TRAF3: variants seen among roughly 807,000 people sequenced by gnomAD.
TRAF3 encodes TNF receptor associated factor 3.
Under a neutral mutation model 62.3 loss-of-function variants are expected in TRAF3, and 13 were observed. The ratio of observed to expected loss-of-function variants is 0.21; its 90% CI spans 0.14 to 0.33. TRAF3 has a LOEUF of 0.33. Among genes scored for constraint, TRAF3 ranks in the 10% least tolerant of loss-of-function variants. The pLI is 1.00. For synonymous variants in TRAF3, 269 were observed against 283.4 expected (o/e 0.95, Z 0.51); for missense variants, 440 against 741.8 (o/e 0.59, Z 4.73).
intron 1 of TRAF3, among the ~76,000 whole-genome samples, chr14:102,797,333 C>G (rs1368821603): frequency 6.6e-6 from 1 of 152,150 alleles, no homozygotes; most frequent in Non-Finnish European, 1.5e-5. Context: ...GTCCCCAATT[C>G]TATATATGAT....
In TRAF3 at chr14:102,787,996, T is replaced by C. The variant is rs1266287735; in HGVS notation, c.-157+10321T>C. On this transcript the variant is annotated intron_variant, in intron 1 of 11. Coordinates refer to ENST00000392745, the MANE Select transcript of TRAF3 (RefSeq NM_145725.3). ...CCTCCCGAGTAGCTGGGATTACAGG[T>C]ATGCACCACCCCACCTGGCTAATTT... is the stretch of plus-strand genomic sequence containing the variant. Among the ~76,000 whole-genome samples, 18 of 151,634 alleles carry C rather than the reference T, an allele frequency of 1.2e-4. No homozygotes were observed. The East Asian group carries it at 3.3e-3, about 28-fold the overall frequency.
chr14:102,807,900 A>G (rs1460834409), intron 1 of TRAF3, among the ~76,000 whole-genome samples: 2 of 152,152 alleles, frequency 1.3e-5, no homozygotes, highest in Non-Finnish European at 2.9e-5. Flanking sequence ...GAAATGGAAA[A>G]CTAGCACCAT....
chr14:102,898,964 G>T (rs1055763562), intron 10 of TRAF3, among the ~76,000 whole-genome samples: 1 of 152,218 alleles, frequency 6.6e-6, no homozygotes, highest in African/African-American at 2.4e-5. Context: ...CGAGTAGAAG[G>T]TGATGGCGCA....
chr14:102,831,238 T>C (rs929217469), intron 2 of TRAF3, among the ~76,000 whole-genome samples: 1 of 151,986 alleles, frequency 6.6e-6, no homozygotes, highest in African/African-American at 2.4e-5. Context: ...AAGGGTGCAG[T>C]TTTTGCCTGG....
rs1321452552 is a variant in TRAF3, at chr14:102,903,847, T to C, written c.1135+418T>C. On this transcript the variant is annotated intron_variant, in intron 11 of 11. Transcript: ENST00000392745. The surrounding 1 kb of genome is among the most constrained non-coding windows in gnomAD (Gnocchi z 6.4). ...CCACCGCGCTCTGCCAGCATGTTTC[T>C]GATCCACAAGCAGATGTGGGCCTAT... The C allele has an allele frequency of 2.2e-6, 1 of 457,600 alleles. No homozygotes were observed. The highest frequency in any genetic ancestry group is 2.0e-5 in the African/African-American group (1 of 50,224). 28.3% of individuals were successfully genotyped at this position (457,600 alleles called of 1,614,324 possible).
rs1340085131 is a variant in TRAF3 at position 102,909,839 on chromosome 14, C to T, written c.*4055C>T. 1 of 152,280 alleles carries T rather than the reference C, an allele frequency of 6.6e-6. No individual in the cohort carries two copies. Among genetic ancestry groups the T allele is most frequent in the South Asian group, 2.1e-4 (1 of 4,838 alleles). 9.4% of individuals were successfully genotyped at this position (152,280 alleles called of 1,614,324 possible). A position where few individuals can be genotyped will look rare whatever the true frequency, so the allele number is the denominator to read the frequency against. ...ACCATGCCAACGTCACATTCCAGCA[C>T]CCCTTTTGCTTGATGGCGTCTGGTG... On this transcript the variant is annotated 3_prime_UTR_variant, in exon 12 of 12. Coordinates refer to ENST00000392745, the MANE Select transcript of TRAF3 (RefSeq NM_145725.3).
At chr14:102,831,619 C>T (rs1410929557) in intron 2 of TRAF3, among the ~76,000 whole-genome samples, 1 of 152,114 alleles carries the variant, frequency 6.6e-6, no homozygotes, top group Non-Finnish European at 1.5e-5. Context: ...GCCTGCTGCC[C>T]GCTGCCCTTA....
At chr14:102,790,181 G>A (rs942377397) in intron 1 of TRAF3, among the ~76,000 whole-genome samples, 5 of 152,120 alleles carry the variant, frequency 3.3e-5, no homozygotes, top group African/African-American at 1.2e-4. Flanking sequence ...ATCCATTTCA[G>A]TTAATTCTTG....
intron 1 of TRAF3, among the ~76,000 whole-genome samples, chr14:102,828,398 T>TC (rs1187734444): frequency 6.6e-6 from 1 of 152,158 alleles, no homozygotes; most frequent in African/African-American, 2.4e-5. Flanking sequence ...AAGGTAATAC[T>TC]CCTCCGGACC....
At chr14:102,801,822 T>C (rs12886412) in intron 1 of TRAF3, among the ~76,000 whole-genome samples, 1 of 151,726 alleles carries the variant, frequency 6.6e-6, no homozygotes, top group East Asian at 2.0e-4. Flanking sequence ...ATGGAGACCA[T>C]CCTGGCTAAC....
chr14:102,823,038 AATG>A (rs1262605475), intron 1 of TRAF3, among the ~76,000 whole-genome samples: 4 of 151,928 alleles, frequency 2.6e-5, no homozygotes, highest in African/African-American at 9.7e-5. Flanking sequence ...ATGTTATTGT[AATG>A]ATGATTTGAG....
chr14:102,839,611 G>C (rs1459941176), intron 2 of TRAF3, among the ~76,000 whole-genome samples: 1 of 152,164 alleles, frequency 6.6e-6, no homozygotes, highest in Non-Finnish European at 1.5e-5. Flanking sequence ...TGCTGCAGGT[G>C]GCTGTTTTCG....
chr14:102,820,328 C>G (rs1486436245), intron 1 of TRAF3, among the ~76,000 whole-genome samples: 2 of 151,928 alleles, frequency 1.3e-5, no homozygotes, highest in Admixed American at 6.6e-5. Context: ...ATGCTGCAGA[C>G]CAGGAGCGCT....
chr14:102,874,574 A>AAATTTT (rs1307728692), intron 4 of TRAF3, among the ~76,000 whole-genome samples: 1 of 152,076 alleles, frequency 6.6e-6, no homozygotes, highest in East Asian at 1.9e-4. Context: ...TGTCTCTTAA[A>AAATTTT]AAAAGAGTGA....
chr14:102,777,894 G>T (rs1206215146), intron 1 of TRAF3, among the ~76,000 whole-genome samples: 1 of 149,234 alleles, frequency 6.7e-6, no homozygotes, highest in Non-Finnish European at 1.5e-5. Context: ...GCCTCCGGAC[G>T]CCTCAACTTC....
intron 11 of TRAF3, 73 bp from the exon 12 acceptor site, chr14:102,905,140 G>C: frequency 1.4e-6 from 2 of 1,414,798 alleles, no homozygotes; most frequent in Non-Finnish European, 2.0e-6. Context: ...AACGAGTGCT[G>C]GTGCAGCTTT....
intron 2 of TRAF3, among the ~76,000 whole-genome samples, chr14:102,846,781 A>G (rs1465070584): frequency 6.6e-6 from 1 of 151,942 alleles, no homozygotes; most frequent in African/African-American, 2.4e-5. Flanking sequence ...GCACCACTGC[A>G]CTCCAGCCTG....
chr14:102,873,389 C>T (rs371390788), intron 4 of TRAF3, among the ~76,000 whole-genome samples: 1 of 152,214 alleles, frequency 6.6e-6, no homozygotes, highest in Non-Finnish European at 1.5e-5. Context: ...GCATGGTACT[C>T]GGCCGCCTTG....
At chr14:102,881,678 C>T (rs1449125031) in intron 6 of TRAF3, among the ~76,000 whole-genome samples, 1 of 152,132 alleles carries the variant, frequency 6.6e-6, no homozygotes, top group Non-Finnish European at 1.5e-5. Flanking sequence ...CAGCAAACCA[C>T]CATGGCACAC....
Sources: allele counts gnomAD v4.1 joint callset (sites outside exome capture counted in the v4.1 genomes callset), GRCh38; gene constraint gnomAD v4.1.1; non-coding constraint Gnocchi (gnomAD v3.1); transcripts MANE v1.5; gene names NCBI Gene and HGNC (gene_info 2026-07-23, HGNC 2026-07-21).